The following RAPGEF5 variants were observed in gnomAD, a reference collection of about 807,000 sequenced individuals.
The protein encoded by RAPGEF5 is Rap guanine nucleotide exchange factor 5.
RAPGEF5 carries 65 observed loss-of-function variants against 125.2 expected under a neutral mutation model. The ratio of observed to expected loss-of-function variants is 0.52; its 90% CI spans 0.43 to 0.64. The LOEUF is 0.64. Among genes scored for constraint, RAPGEF5 ranks in the 30% least tolerant of loss-of-function variants. RAPGEF5 has a pLI of 0.00. For missense variants in RAPGEF5, 958 were observed against 1,048.1 expected (o/e 0.91, Z 1.19); for synonymous variants, 391 against 385.9 (o/e 1.01, Z -0.16).
intron 1 of RAPGEF5, among the ~76,000 whole-genome samples, chr7:22,322,287 C>T (rs906827075): frequency 6.6e-6 from 1 of 151,816 alleles, no homozygotes; most frequent in African/African-American, 2.4e-5. Context: ...AGGCACACAC[C>T]ACCACCATGT....
intron 4 of RAPGEF5, among the ~76,000 whole-genome samples, 154 bp from the exon 5 acceptor site, chr7:22,308,661 A>T (rs376384110): frequency 3.3e-5 from 5 of 152,314 alleles, no homozygotes; most frequent in Non-Finnish European, 2.9e-5. Flanking sequence ...TTATAATCCC[A>T]TTGAATTGGA....
chr7:22,148,495 T>C (rs1316124436), intron 18 of RAPGEF5, among the ~76,000 whole-genome samples: 1 of 152,262 alleles, frequency 6.6e-6, no homozygotes, highest in African/African-American at 2.4e-5. Context: ...TAGTAGGTAC[T>C]GGTGTTTTCA....
At position 22,136,210 on chromosome 7, in the gene RAPGEF5, G is replaced by T; in HGVS notation, c.2329-85C>A. ...TAAATCCACCTTTGCTACACAATTT[G>T]AACATAACTTAGATATAGAGAGATT... On this transcript the variant is annotated intron_variant, in intron 22 of 25. Transcript: ENST00000665637. 5 of 1,014,376 alleles carry T rather than the reference G, an allele frequency of 4.9e-6. No individual in the cohort carries two copies. The South Asian group carries it at 6.5e-5, about 13-fold the overall frequency. The allele number at this position is 1,014,376 out of a possible 1,614,324, so 62.8% of individuals were successfully genotyped here.
intron 5 of RAPGEF5, among the ~76,000 whole-genome samples, chr7:22,303,401 T>C (rs117084799): frequency 2.5e-3 from 383 of 152,352 alleles, no homozygotes; most frequent in Non-Finnish European, 3.5e-3. Flanking sequence ...TCAAACTAGC[T>C]TAGAAAACTT....
At chr7:22,251,861 A>G (rs1185887158) in intron 7 of RAPGEF5, among the ~76,000 whole-genome samples, 2 of 151,824 alleles carry the variant, frequency 1.3e-5, no homozygotes, top group Admixed American at 1.3e-4. Context: ...TTAAATATAA[A>G]TTGCTCTCCC....
chr7:22,189,053 A>T (rs1197130133), intron 11 of RAPGEF5, among the ~76,000 whole-genome samples: 5 of 19,528 alleles, frequency 2.6e-4, no homozygotes, highest in Admixed American at 9.7e-4. Context: ...TCATGAAATT[A>T]AAAAAAAAAA....
At chr7:22,177,317 G>T (rs935295231) in intron 11 of RAPGEF5, among the ~76,000 whole-genome samples, 1 of 152,224 alleles carries the variant, frequency 6.6e-6, no homozygotes, top group African/African-American at 2.4e-5. Flanking sequence ...CATTGGCCTT[G>T]AGTCACCTAA....
intron 9 of RAPGEF5, among the ~76,000 whole-genome samples, chr7:22,202,174 A>G (rs1349508328): frequency 1.3e-5 from 2 of 152,232 alleles, no homozygotes; most frequent in East Asian, 3.8e-4. Flanking sequence ...GCTGGGAACC[A>G]AAGCTTAAAG....
chr7:22,227,905 C>A (rs1236230986), intron 8 of RAPGEF5, among the ~76,000 whole-genome samples: 1 of 152,150 alleles, frequency 6.6e-6, no homozygotes, highest in East Asian at 1.9e-4. Context: ...AAAGCTAGAA[C>A]CAGGCAAATT....
intron 5 of RAPGEF5, among the ~76,000 whole-genome samples, chr7:22,300,218 G>A (rs561040404): frequency 7.9e-5 from 12 of 152,098 alleles, no homozygotes; most frequent in South Asian, 2.1e-4. Context: ...TTCAGGTCAC[G>A]TCTATTTTGC....
intron 6 of RAPGEF5, among the ~76,000 whole-genome samples, chr7:22,278,678 T>G (rs1425628407): frequency 6.6e-6 from 1 of 150,838 alleles, no homozygotes; most frequent in South Asian, 2.1e-4. Context: ...TTAGGAAAAG[T>G]ATTGGTATCA....
chr7:22,292,116 C>A (rs1185567348), intron 5 of RAPGEF5, among the ~76,000 whole-genome samples: 1 of 152,294 alleles, frequency 6.6e-6, no homozygotes, highest in East Asian at 1.9e-4. Context: ...TTGGAGGTCA[C>A]TGCCCTGCAG....
At chr7:22,183,161 C>A (rs1011568195) in intron 11 of RAPGEF5, among the ~76,000 whole-genome samples, 4 of 147,768 alleles carry the variant, frequency 2.7e-5, no homozygotes, top group Non-Finnish European at 4.4e-5. Context: ...CCCAGCTACT[C>A]GAGAGGCTGA....
intron 24 of RAPGEF5, among the ~76,000 whole-genome samples, chr7:22,128,737 G>C (rs1289006578): frequency 6.6e-6 from 1 of 152,184 alleles, no homozygotes; most frequent in Non-Finnish European, 1.5e-5. Flanking sequence ...GAGCTCACTA[G>C]TCCCAGGTGT....
At chr7:22,262,181 G>T (rs1043005074) in intron 7 of RAPGEF5, among the ~76,000 whole-genome samples, 1 of 151,420 alleles carries the variant, frequency 6.6e-6, no homozygotes, top group Non-Finnish European at 1.5e-5. Context: ...CTACTACCTA[G>T]AATACATAAA....
At chr7:22,307,465 G>T (rs1433775611) in intron 5 of RAPGEF5, among the ~76,000 whole-genome samples, 1 of 152,054 alleles carries the variant, frequency 6.6e-6, no homozygotes, top group Non-Finnish European at 1.5e-5. Flanking sequence ...CTTTTTTTCT[G>T]TGTAGATAGT....
chr7:22,140,189 G>T, intron 20 of RAPGEF5, 74 bp from the exon 21 acceptor site: 2 of 1,358,700 alleles, frequency 1.5e-6, no homozygotes, highest in Non-Finnish European at 2.1e-6. Flanking sequence ...AGATAAAGCT[G>T]AAAAGACCCT....
chr7:22,142,121 T>A (rs759537249), intron 20 of RAPGEF5, among the ~76,000 whole-genome samples: 8 of 152,212 alleles, frequency 5.3e-5, no homozygotes, highest in Admixed American at 2.6e-4. Context: ...TAAGAACTGT[T>A]CCATCCCCCT....
At chr7:22,176,822 C>T (rs893253183) in intron 11 of RAPGEF5, among the ~76,000 whole-genome samples, 2 of 152,192 alleles carry the variant, frequency 1.3e-5, no homozygotes, top group Non-Finnish European at 1.5e-5. Context: ...TGAGCCACTG[C>T]GCCTGGCCAA....
Sources: gnomAD v4.1 joint callset for allele counts (sites outside exome capture counted in the v4.1 genomes callset) on GRCh38, gnomAD v4.1.1 for gene constraint, MANE v1.5 for transcripts, NCBI Gene and HGNC (gene_info 2026-07-23, HGNC 2026-07-21) for gene names.